Variants in CFAP52 observed in about 807,000 individuals in gnomAD.
CFAP52 encodes cilia- and flagella-associated protein 52.
CFAP52 carries 57 observed loss-of-function variants against 70.5 expected under a neutral mutation model. That is an observed-to-expected ratio of 0.81 (90% CI 0.65 to 1.01). The LOEUF is 1.01. CFAP52 is among the 50% of genes least tolerant of loss of function. The probability of loss-of-function intolerance (pLI) is 0.00; values close to 1 mark genes in which losing one functional copy is unlikely to be tolerated. For missense variants in CFAP52, 785 were observed against 788.5 expected, an observed-to-expected ratio of 1.00 and a Z score of 0.05; for synonymous variants, 267 against 292.5, an observed-to-expected ratio of 0.91 and a Z score of 0.89.
chr17:9,626,482 G>T (rs1007047434), intron 8 of CFAP52, among the ~76,000 whole-genome samples: 1 of 152,108 alleles, frequency 6.6e-6, no homozygotes, highest in Non-Finnish European at 1.5e-5. Context: ...CACTCACCTT[G>T]GCCTCCCAAA....
Position 9,598,287 on chromosome 17 carries a change from C to G in CFAP52, c.590C>G (p.Thr197Ser). 6.2e-7 allele frequency: 1 copy of G among 1,612,628 alleles called. No individual in the cohort carries two copies. The highest frequency in any genetic ancestry group is 1.3e-5 in the African/African-American group (1 of 74,758). Residue 197 changes from threonine (T) to serine (S), a missense_variant, in exon 5 of 14, where the codon ACT becomes AGT. Physicochemically the swap from Thr to Ser is moderately conservative, Grantham distance 58. Transcript: ENST00000352665. ...CTTCCAAATAGAAAAATCTGGCCAA[C>G]TGAGTGCCAAACAGGACAGTTGAAA... Reference protein sequence around the residue: ...LDLPNRKIWPTECQTGQLKRI... With the variant: ...LDLPNRKIWPSECQTGQLKRI...
chr17:9,616,240 A>G (rs991933094), intron 8 of CFAP52, among the ~76,000 whole-genome samples: 9 of 148,946 alleles, frequency 6.0e-5, no homozygotes, highest in African/African-American at 2.3e-4. Context: ...GGGGTGACGG[A>G]CGCACCTGGA....
At chr17:9,609,628 C>T (rs1373556186) in intron 7 of CFAP52, among the ~76,000 whole-genome samples, 2 of 152,116 alleles carry the variant, frequency 1.3e-5, no homozygotes, top group Non-Finnish European at 2.9e-5. Flanking sequence ...GTTGATCAGT[C>T]AACCTCAAGG....
intron 9 of CFAP52, among the ~76,000 whole-genome samples, chr17:9,630,752 A>G (rs1406901321): frequency 6.6e-6 from 1 of 150,862 alleles, no homozygotes; most frequent in Non-Finnish European, 1.5e-5. Flanking sequence ...TTTTTTGAGT[A>G]GAGATGGGGT....
At chr17:9,588,956 A>G (rs1478766487) in intron 3 of CFAP52, among the ~76,000 whole-genome samples, 4 of 152,038 alleles carry the variant, frequency 2.6e-5, no homozygotes, top group Non-Finnish European at 5.9e-5. Flanking sequence ...CACAAAAATT[A>G]GCCAGGCATA....
chr17:9,582,244 G>T (rs760916169), intron 1 of CFAP52, among the ~76,000 whole-genome samples: 3 of 152,170 alleles, frequency 2.0e-5, no homozygotes, highest in Non-Finnish European at 2.9e-5. Context: ...TTTCCAAAAC[G>T]ATTAGACCGA....
chr17:9,601,654 AT>A (rs1909277667), intron 6 of CFAP52, among the ~76,000 whole-genome samples: 1 of 152,228 alleles, frequency 6.6e-6, no homozygotes, highest in African/African-American at 2.4e-5. Flanking sequence ...AACTGTTTAT[AT>A]TTACAGACTT....
At chr17:9,605,746 A>G (rs564261230) in intron 6 of CFAP52, among the ~76,000 whole-genome samples, 2 of 147,988 alleles carry the variant, frequency 1.4e-5, no homozygotes, top group East Asian at 2.0e-4. Context: ...ATGGGTTAGC[A>G]GGGAGGGAGG....
intron 6 of CFAP52, among the ~76,000 whole-genome samples, chr17:9,603,200 T>G (rs1030493209): frequency 2.0e-5 from 3 of 152,156 alleles, no homozygotes; most frequent in Admixed American, 2.0e-4. Flanking sequence ...ATGCTGAAAT[T>G]CTTTTTTATT....
intron 8 of CFAP52, among the ~76,000 whole-genome samples, chr17:9,622,398 A>G (rs1403741010): frequency 6.6e-6 from 1 of 152,154 alleles, no homozygotes; most frequent in East Asian, 1.9e-4. Flanking sequence ...TTACAAAACT[A>G]AATAAATAAA....
intron 8 of CFAP52, among the ~76,000 whole-genome samples, chr17:9,615,868 A>T (rs1030381745): frequency 7.5e-6 from 1 of 132,570 alleles, no homozygotes; most frequent in Non-Finnish European, 1.5e-5. Flanking sequence ...TTCAACTGCC[A>T]TCCTCAAGCA....
At chr17:9,584,364 A>G (rs1376070782) in intron 1 of CFAP52, 1 of 1,287,148 alleles carries the variant, frequency 7.8e-7, no homozygotes, top group Admixed American at 2.4e-5. Context: ...GGCTCTTCAG[A>G]GCACCTGGTG....
intron 3 of CFAP52, 34 bp from the exon 4 acceptor site, chr17:9,594,159 G>T: frequency 1.3e-6 from 2 of 1,538,510 alleles, no homozygotes; most frequent in South Asian, 1.2e-5. Flanking sequence ...TTTTCTCTTT[G>T]ACTTTTTTTT....
rs142708763 is a variant in CFAP52, at chr17:9,607,434, C to T, written c.754-685C>T. On this transcript the variant is annotated intron_variant, in intron 6 of 13. Coordinates refer to ENST00000352665, the MANE Select transcript of CFAP52 (RefSeq NM_145054.5). ...GAACTTCACAGTGGATACTATAAAACAACCATCATACATTGTCAAGCCTTT... is the reference window on the plus strand; with the variant it reads ...GAACTTCACAGTGGATACTATAAAATAACCATCATACATTGTCAAGCCTTT... Among the ~76,000 whole-genome samples the T allele has an allele frequency of 2.5e-3, 385 of 152,342 alleles. 1 individual carries two copies. Among genetic ancestry groups the T allele is most frequent in the African/African-American group, 9.0e-3 (373 of 41,586 alleles).
intron 7 of CFAP52, among the ~76,000 whole-genome samples, chr17:9,611,856 C>T (rs555887882): frequency 2.6e-4 from 39 of 152,222 alleles, no homozygotes; most frequent in Non-Finnish European, 5.3e-4. Flanking sequence ...TTAACTATTC[C>T]ATTACAACTG....
Position 9,635,558 on chromosome 17 carries a change from T to C in CFAP52, c.1472+2T>C. 1 of 1,614,132 alleles carries C rather than the reference T, an allele frequency of 6.2e-7. No homozygotes were observed. ...GACTTGTATCATTTGGGACCTTGTGTAGGTACCTGTGATGGGGAGGATGCA... is the reference window on the plus strand; with the variant it reads ...GACTTGTATCATTTGGGACCTTGTGCAGGTACCTGTGATGGGGAGGATGCA... On this transcript the variant is annotated splice_donor_variant, in intron 11 of 13. Transcript: ENST00000352665. LOFTEE classifies it high-confidence loss of function.
At chr17:9,633,136 C>A in intron 10 of CFAP52, 103 bp downstream of exon 10, 1 of 1,341,780 alleles carries the variant, frequency 7.5e-7, no homozygotes, top group Non-Finnish European at 1.0e-6. Context: ...TGCTAGTATT[C>A]AAGCAGGACC....
At chr17:9,579,850 G>A (rs918335643) in intron 1 of CFAP52, among the ~76,000 whole-genome samples, 2 of 152,244 alleles carry the variant, frequency 1.3e-5, no homozygotes, top group African/African-American at 4.8e-5. Context: ...TTACAGGCGT[G>A]AGCCACTGCG....
chr17:9,592,498 C>T (rs775259713), intron 3 of CFAP52, among the ~76,000 whole-genome samples: 10 of 151,924 alleles, frequency 6.6e-5, no homozygotes, highest in East Asian at 1.9e-4. Context: ...AAAGAAACCC[C>T]GTACCCATTA....
Sources: allele counts gnomAD v4.1 joint callset (sites outside exome capture counted in the v4.1 genomes callset), GRCh38; gene constraint gnomAD v4.1.1; transcripts MANE v1.5; gene names NCBI Gene and HGNC (gene_info 2026-07-23, HGNC 2026-07-21).